GPC6: variants seen among roughly 807,000 people sequenced by gnomAD.
GPC6 encodes the protein glypican 6.
A neutral mutation model predicts 55.2 loss-of-function variants in GPC6; 14 were observed. The observed-to-expected ratio is 0.25, with a 90% CI of 0.17 to 0.40. The LOEUF is 0.40. GPC6 is among the 10% of genes least tolerant of loss of function. GPC6 has a pLI of 1.00. For synonymous variants in GPC6, 278 were observed against 259.6 expected (o/e 1.07, Z -0.68); for missense variants, 641 against 708.5 (o/e 0.90, Z 1.08).
intron 1 of GPC6, among the ~76,000 whole-genome samples, chr13:93,521,848 G>T (rs1881432957): frequency 6.6e-6 from 1 of 151,814 alleles, no homozygotes. Context: ...CCAAAATTTG[G>T]GAAGAAGACA....
intron 1 of GPC6, among the ~76,000 whole-genome samples, chr13:93,241,898 G>T (rs1438466246): frequency 6.6e-6 from 1 of 151,936 alleles, no homozygotes; most frequent in Non-Finnish European, 1.5e-5. Context: ...TTGGGTCTGG[G>T]TAATTTCAGT....
At chr13:94,384,664 A>G (rs1473078472) in intron 7 of GPC6, among the ~76,000 whole-genome samples, 1 of 152,254 alleles carries the variant, frequency 6.6e-6, no homozygotes, top group African/African-American at 2.4e-5. Context: ...AGGATGGCAG[A>G]CAAGTTCCTC....
intron 4 of GPC6, among the ~76,000 whole-genome samples, chr13:94,043,117 T>G (rs992939237): frequency 6.6e-6 from 1 of 151,812 alleles, no homozygotes; most frequent in African/African-American, 2.4e-5. Context: ...TTTTTACCAT[T>G]ACAAGATATA....
intron 4 of GPC6, among the ~76,000 whole-genome samples, chr13:94,195,550 G>A (rs1005300372): frequency 2.6e-5 from 4 of 152,212 alleles, no homozygotes; most frequent in Non-Finnish European, 5.9e-5. Context: ...CTTTGGGATT[G>A]TTCCTTAACT....
intron 1 of GPC6, among the ~76,000 whole-genome samples, chr13:93,240,773 G>T (rs7319254): frequency 6.6e-5 from 10 of 151,820 alleles, no homozygotes; most frequent in African/African-American, 2.2e-4. Flanking sequence ...ATACTGTTGC[G>T]TATAGAACTT....
intron 1 of GPC6, among the ~76,000 whole-genome samples, chr13:93,471,399 G>A (rs539973415): frequency 4.6e-4 from 70 of 151,706 alleles, no homozygotes; most frequent in Non-Finnish European, 8.5e-4. Flanking sequence ...GCGTGGTGGC[G>A]GGTGCCTGTA....
At chr13:93,795,784 TCAC>T (rs1485027293) in intron 2 of GPC6, among the ~76,000 whole-genome samples, 1 of 152,176 alleles carries the variant, frequency 6.6e-6, no homozygotes, top group Non-Finnish European at 1.5e-5. Flanking sequence ...GGCAAATCAA[TCAC>T]CATCTCTGAA....
intron 4 of GPC6, among the ~76,000 whole-genome samples, chr13:94,155,073 T>C (rs1249007909): frequency 6.6e-6 from 1 of 152,142 alleles, no homozygotes; most frequent in Non-Finnish European, 1.5e-5. Flanking sequence ...CTCTAAATTA[T>C]GCCTTCTAAC....
At chr13:93,960,602 T>C (rs1357719165) in intron 3 of GPC6, among the ~76,000 whole-genome samples, 2 of 152,132 alleles carry the variant, frequency 1.3e-5, no homozygotes, top group Admixed American at 6.5e-5. Context: ...TCTTGTAGCC[T>C]GCCACTCCTT....
chr13:93,738,801 T>C (rs1884089409), intron 2 of GPC6, among the ~76,000 whole-genome samples: 1 of 152,146 alleles, frequency 6.6e-6, no homozygotes, highest in Non-Finnish European at 1.5e-5. Context: ...AGGATTATGC[T>C]TATTTCCTTC....
intron 1 of GPC6, among the ~76,000 whole-genome samples, chr13:93,385,120 C>G (rs1287497566): frequency 1.3e-5 from 2 of 152,306 alleles, no homozygotes; most frequent in East Asian, 1.9e-4. Context: ...TACTGGGAGA[C>G]AGTCCTAGGC....
At chr13:94,372,349 G>T (rs968362633) in intron 6 of GPC6, among the ~76,000 whole-genome samples, 2 of 152,158 alleles carry the variant, frequency 1.3e-5, no homozygotes, top group African/African-American at 2.4e-5. Context: ...CAGGTCAGTG[G>T]GTGCGCGCAC....
At chr13:94,360,172 T>G (rs888366120) in intron 6 of GPC6, among the ~76,000 whole-genome samples, 5 of 152,244 alleles carry the variant, frequency 3.3e-5, no homozygotes, top group Admixed American at 1.3e-4. Flanking sequence ...TTTTCCATTT[T>G]AAAGCCAGGA....
At chr13:93,311,395 G>A (rs1219877214) in intron 1 of GPC6, among the ~76,000 whole-genome samples, 1 of 152,126 alleles carries the variant, frequency 6.6e-6, no homozygotes, top group African/African-American at 2.4e-5. Flanking sequence ...CCCTGTGAAT[G>A]TTTTGAAGGC....
chr13:94,264,804 A>T (rs1891747758), intron 4 of GPC6, among the ~76,000 whole-genome samples: 1 of 152,258 alleles, frequency 6.6e-6, no homozygotes, highest in South Asian at 2.1e-4. Context: ...AAAGGGGTTT[A>T]ATAGACTCAC....
At chr13:93,804,263 A>G (rs1182888316) in intron 2 of GPC6, among the ~76,000 whole-genome samples, 3 of 152,184 alleles carry the variant, frequency 2.0e-5, no homozygotes, top group African/African-American at 7.2e-5. Flanking sequence ...AATTCTCTTT[A>G]AAAGTGTGTT....
chr13:93,245,029 T>G (rs1026133163), intron 1 of GPC6, among the ~76,000 whole-genome samples: 59 of 152,214 alleles, frequency 3.9e-4, no homozygotes, highest in African/African-American at 1.4e-3. Context: ...ATGAGGTATT[T>G]GGCATTGTCA....
intron 4 of GPC6, among the ~76,000 whole-genome samples, chr13:94,253,820 C>G (rs1891427728): frequency 6.6e-6 from 1 of 152,108 alleles, no homozygotes; most frequent in Non-Finnish European, 1.5e-5. Context: ...TGTCATTAAT[C>G]TCTCCTTCCT....
chr13:94,178,120 G>A (rs563660035), intron 4 of GPC6, among the ~76,000 whole-genome samples: 122 of 149,912 alleles, frequency 8.1e-4, no homozygotes, highest in African/African-American at 2.9e-3. Flanking sequence ...CTGGGTTCAA[G>A]CGATTCTCCT....
Sources: allele counts gnomAD v4.1 joint callset (sites outside exome capture counted in the v4.1 genomes callset), GRCh38; gene constraint gnomAD v4.1.1; transcripts MANE v1.5; gene names NCBI Gene and HGNC (gene_info 2026-07-23, HGNC 2026-07-21).